The following DLG2 variants were observed in gnomAD, a reference collection of about 807,000 sequenced individuals.
The protein encoded by DLG2 is discs large MAGUK scaffold protein 2, also known as disks large homolog 2.
In DLG2, 45 loss-of-function variants were observed where a neutral mutation model predicts 132.5. That is an observed-to-expected ratio of 0.34 (90% confidence interval 0.27 to 0.44). DLG2 has a LOEUF of 0.44. Among genes scored for constraint, DLG2 ranks in the 20% least tolerant of loss-of-function variants. The pLI is 1.00. For missense variants in DLG2, 1,045 were observed against 1,196.9 expected, an observed-to-expected ratio of 0.87 and a Z score of 1.87; for synonymous variants, 424 against 419.6, an observed-to-expected ratio of 1.01 and a Z score of -0.13.
intron 6 of DLG2, among the ~76,000 whole-genome samples, chr11:84,656,211 T>C (rs1208692078): frequency 6.6e-6 from 1 of 152,150 alleles, no homozygotes. Flanking sequence ...AGTTCCAATT[T>C]ATCATCAGTA....
At chr11:84,123,416 T>C (rs1162699596) in intron 9 of DLG2, among the ~76,000 whole-genome samples, 1 of 152,218 alleles carries the variant, frequency 6.6e-6, no homozygotes, top group African/African-American at 2.4e-5. Context: ...CTTGGAGTCA[T>C]AAGACAATAT....
At chr11:84,324,151 G>A (rs914341915) in intron 7 of DLG2, among the ~76,000 whole-genome samples, 22 of 151,956 alleles carry the variant, frequency 1.4e-4, no homozygotes, top group Admixed American at 5.9e-4. Context: ...GTGTTGTATA[G>A]GATTTTCTTT....
intron 5 of DLG2, among the ~76,000 whole-genome samples, chr11:85,121,659 ATT>A (rs2074334489): frequency 9.9e-5 from 15 of 152,064 alleles, no homozygotes; most frequent in Admixed American, 9.8e-4. Context: ...TATATAAGGA[ATT>A]TTACCTCTAT....
chr11:84,448,533 C>A (rs1213514974), intron 7 of DLG2, among the ~76,000 whole-genome samples: 1 of 152,012 alleles, frequency 6.6e-6, no homozygotes, highest in Non-Finnish European at 1.5e-5. Context: ...TTTGAACATG[C>A]TGTTTCTGCT....
chr11:85,522,713 C>A lies in DLG2; in HGVS notation c.40+75944G>T, dbSNP rs192662052. On this transcript the variant is annotated intron_variant, in intron 3 of 27. Transcript: ENST00000376104. ...ACTGTGGAACTTTAAGGTTCAATGA[C>A]TGTTCTGTTGGATTTCAGACTTCTA... 5.3e-5 allele frequency among the ~76,000 whole-genome samples: 8 copies of A among 152,342 alleles called. No individual in the cohort carries two copies. In the East Asian group the frequency reaches 1.5e-3, roughly 29 times the overall value.
At chr11:84,215,387 G>A (rs1336684999) in intron 8 of DLG2, among the ~76,000 whole-genome samples, 1 of 152,086 alleles carries the variant, frequency 6.6e-6, no homozygotes, top group Non-Finnish European at 1.5e-5. Context: ...AGGTTACACT[G>A]TTGAGCAAAA....
At chr11:85,090,105 G>A (rs1388659909) in intron 6 of DLG2, among the ~76,000 whole-genome samples, 1 of 152,100 alleles carries the variant, frequency 6.6e-6, no homozygotes, top group Non-Finnish European at 1.5e-5. Flanking sequence ...CAGAGATTAG[G>A]CACACATGTA....
At chr11:84,392,579 G>T (rs2098796304) in intron 7 of DLG2, among the ~76,000 whole-genome samples, 1 of 152,172 alleles carries the variant, frequency 6.6e-6, no homozygotes, top group African/African-American at 2.4e-5. Context: ...TAATAATAAA[G>T]TATTTGCAAG....
intron 4 of DLG2, among the ~76,000 whole-genome samples, chr11:85,218,883 C>T (rs2082802084): frequency 6.6e-6 from 1 of 152,024 alleles, no homozygotes; most frequent in African/African-American, 2.4e-5. Context: ...TACTATGCAG[C>T]CATAAAAAGA....
intron 6 of DLG2, among the ~76,000 whole-genome samples, chr11:84,975,937 C>T (rs1386346307): frequency 6.6e-6 from 1 of 152,146 alleles, no homozygotes; most frequent in Non-Finnish European, 1.5e-5. Flanking sequence ...TCCATTCTCT[C>T]CACCTAAAAT....
At chr11:83,742,751 T>C (rs2092625204) in intron 18 of DLG2, among the ~76,000 whole-genome samples, 1 of 152,218 alleles carries the variant, frequency 6.6e-6, no homozygotes, top group Admixed American at 6.5e-5. Context: ...CTGGTCCATA[T>C]TGTCATTTTT....
chr11:85,464,127 A>G (rs1160470835), intron 3 of DLG2, among the ~76,000 whole-genome samples: 1 of 152,012 alleles, frequency 6.6e-6, no homozygotes, highest in Non-Finnish European at 1.5e-5. Flanking sequence ...ATCCCTTTCT[A>G]TCTGAAACTT....
chr11:83,677,871 C>G (rs1372894977), intron 18 of DLG2, among the ~76,000 whole-genome samples: 1 of 152,178 alleles, frequency 6.6e-6, no homozygotes, highest in Non-Finnish European at 1.5e-5. Context: ...TAAGGCCACA[C>G]AAAGACATTG....
chr11:84,440,049 G>T (rs1380824838), intron 7 of DLG2, among the ~76,000 whole-genome samples: 2 of 152,152 alleles, frequency 1.3e-5, no homozygotes, highest in East Asian at 3.9e-4. Context: ...GGCTTGGAGA[G>T]ATCTTTGATG....
At chr11:83,532,810 T>A (rs749353519) in intron 20 of DLG2, 27 bp from the exon 21 acceptor site, 1 of 1,598,538 alleles carries the variant, frequency 6.3e-7, no homozygotes, top group South Asian at 1.1e-5. Context: ...ATAAAGAGTC[T>A]CTCACGTGAC....
At chr11:83,844,547 C>CAAAA (rs59755957) in intron 16 of DLG2, among the ~76,000 whole-genome samples, 960 of 70,638 alleles carry the variant, frequency 0.014, 41 homozygotes, top group Middle Eastern at 0.043. Context: ...GAGTCTGTAT[C>CAAAA]AAAAAAAAAA....
At chr11:84,095,754 C>T (rs1362618512) in intron 10 of DLG2, among the ~76,000 whole-genome samples, 1 of 152,178 alleles carries the variant, frequency 6.6e-6, no homozygotes, top group Non-Finnish European at 1.5e-5. Context: ...CTGCCAAATA[C>T]TGAAAATTAT....
chr11:85,088,344 G>C (rs924677098), intron 6 of DLG2, among the ~76,000 whole-genome samples: 1 of 152,184 alleles, frequency 6.6e-6, no homozygotes, highest in Non-Finnish European at 1.5e-5. Flanking sequence ...CAAATTTCAT[G>C]CATTTTTATT....
At chr11:84,902,854 G>C (rs2091058195) in intron 6 of DLG2, among the ~76,000 whole-genome samples, 1 of 152,126 alleles carries the variant, frequency 6.6e-6, no homozygotes, top group Non-Finnish European at 1.5e-5. Flanking sequence ...GAATGTATGA[G>C]TCTCAGCTTC....
Sources: gnomAD v4.1 joint callset for allele counts (sites outside exome capture counted in the v4.1 genomes callset) on GRCh38, gnomAD v4.1.1 for gene constraint, MANE v1.5 for transcripts, NCBI Gene and HGNC (gene_info 2026-07-23, HGNC 2026-07-21) for gene names.